The following UMODL1 variants were observed in gnomAD, a reference collection of about 807,000 sequenced individuals.
UMODL1 encodes uromodulin-like 1.
Under a neutral mutation model 136.3 loss-of-function variants are expected in UMODL1, and 128 were observed. The ratio of observed to expected loss-of-function variants is 0.94; its 90% CI spans 0.81 to 1.09. The LOEUF (loss-of-function observed/expected upper bound fraction) is 1.09, where lower values mean the gene tolerates loss of function less well. Among genes scored for constraint, UMODL1 ranks in the 50% least tolerant of loss-of-function variants. The pLI is 0.00. For missense variants in UMODL1, 1,766 were observed against 1,725.6 expected, an observed-to-expected ratio of 1.02 and a Z score of -0.41; for synonymous variants, 721 against 720.0, an observed-to-expected ratio of 1.00 and a Z score of -0.02.
At chr21:42,089,665 CA>C (rs1385205854) in intron 5 of UMODL1, among the ~76,000 whole-genome samples, 1 of 152,190 alleles carries the variant, frequency 6.6e-6, no homozygotes, top group Non-Finnish European at 1.5e-5. Flanking sequence ...GAGGCAACTC[CA>C]CGACTGGGAA....
intron 21 of UMODL1, among the ~76,000 whole-genome samples, chr21:42,134,645 C>T (rs149255554): frequency 6.6e-5 from 10 of 152,178 alleles, no homozygotes; most frequent in Middle Eastern, 3.4e-3. Flanking sequence ...GACAGAGTCT[C>T]GCTCTGTTGC....
rs1298662009 is a variant in UMODL1, at chr21:42,084,224, T to C, written c.460T>C (p.Cys154Arg). The change falls in exon 3 of 23, where the codon TGC becomes CGC. Residue 154 changes from cysteine (C) to arginine (R), a missense_variant. By Grantham distance (180) the Cys-to-Arg change is radical. Transcript: ENST00000408910. Reference sequence around the variant, plus strand: ...CTGCCCCTGGTCAGGGGGGCGCTACTGCATGGCCCCTGCACCCCAAGGTAG... The same window carrying C: ...CTGCCCCTGGTCAGGGGGGCGCTACCGCATGGCCCCTGCACCCCAAGGTAG... Reference protein sequence around the residue: ...KCCPWSGGRYCMAPAPQAPER... With the variant: ...KCCPWSGGRYRMAPAPQAPER... 6.2e-7 allele frequency: 1 copy of C among 1,613,478 alleles called. No homozygotes were observed. The highest frequency in any genetic ancestry group is 1.7e-5 in the Admixed American group (1 of 59,980).
At chr21:42,131,881 G>C (rs1041885500) in intron 21 of UMODL1, among the ~76,000 whole-genome samples, 3 of 152,170 alleles carry the variant, frequency 2.0e-5, no homozygotes, top group African/African-American at 7.2e-5. Context: ...GAACGGGTCA[G>C]CCTATTTCTT....
intron 15 of UMODL1, chr21:42,120,839 C>T (rs546325500): frequency 4.8e-5 from 20 of 417,364 alleles, no homozygotes; most frequent in African/African-American, 4.1e-4. Flanking sequence ...CTGCTCTGCC[C>T]AGATCCCCCT....
intron 12 of UMODL1, chr21:42,113,240 A>G (rs1361093874): frequency 8.9e-6 from 2 of 224,232 alleles, no homozygotes; most frequent in Non-Finnish European, 1.8e-5. Context: ...TCAAGAGTAG[A>G]CAGTCCATCT....
At chr21:42,095,096 T>TG (rs765870657) in intron 6 of UMODL1, among the ~76,000 whole-genome samples, 12 of 119,514 alleles carry the variant, frequency 1.0e-4, no homozygotes, top group Non-Finnish European at 1.9e-4. Flanking sequence ...GCTGTTTTTT[T>TG]TTTTTTTTTT....
At chr21:42,134,811 G>T (rs1365687984) in intron 21 of UMODL1, among the ~76,000 whole-genome samples, 3 of 150,476 alleles carry the variant, frequency 2.0e-5, no homozygotes, top group African/African-American at 7.4e-5. Flanking sequence ...TTTTAGTAGA[G>T]ACGGGGGTTT....
intron 21 of UMODL1, among the ~76,000 whole-genome samples, chr21:42,133,712 A>G (rs766667408): frequency 4.6e-5 from 7 of 152,134 alleles, no homozygotes; most frequent in African/African-American, 7.2e-5. Flanking sequence ...CTTGGCTTGC[A>G]GCTGCCTCCC....
chr21:42,110,780 A>T, intron 10 of UMODL1, 100 bp from the exon 11 acceptor site: 1 of 1,199,526 alleles, frequency 8.3e-7, no homozygotes, highest in Non-Finnish European at 1.2e-6. Context: ...CCACTCCGGG[A>T]TGCAGAGCAG....
At chr21:42,114,080 G>A (rs2066873818) in intron 13 of UMODL1, among the ~76,000 whole-genome samples, 1 of 152,262 alleles carries the variant, frequency 6.6e-6, no homozygotes, top group South Asian at 2.1e-4. Context: ...GACTGCGCCT[G>A]GAAGGCTGCG....
chr21:42,073,186 A>G (rs983240239), intron 1 of UMODL1, among the ~76,000 whole-genome samples: 2 of 152,170 alleles, frequency 1.3e-5, no homozygotes, highest in African/African-American at 4.8e-5. Flanking sequence ...GGTTACGATG[A>G]AAAACGCAAG....
chr21:42,117,673 C>G (rs917006226), intron 14 of UMODL1, among the ~76,000 whole-genome samples: 3 of 152,218 alleles, frequency 2.0e-5, no homozygotes, highest in African/African-American at 4.8e-5. Context: ...GCGCTTCCCC[C>G]ACAGATGAGA....
At position 42,077,002 on chromosome 21, in the gene UMODL1, G is replaced by GGTGTGTGTGT. The variant is rs56409028; in HGVS notation, c.319+811_319+820dup. 3.0e-4 allele frequency among the ~76,000 whole-genome samples: 34 copies of GGTGTGTGTGT among 113,266 alleles called. 1 individual carries two copies. The highest frequency in any genetic ancestry group is 9.0e-4 in the East Asian group (3 of 3,344). 74.3% of individuals were successfully genotyped at this position (113,266 alleles called of 152,430 possible). A position where few individuals can be genotyped will look rare whatever the true frequency, so the allele number is the denominator to read the frequency against. ...CACAGGTGATCTCTTCCAGGGGAGG[G>GGTGTGTGTGT]GTGTGTGTGTGTGTGTGTGTGTGTG... On this transcript the variant is annotated intron_variant, in intron 2 of 22. Transcript: ENST00000408910.
chr21:42,093,541 C>T (rs910093945), intron 6 of UMODL1: 19 of 205,058 alleles, frequency 9.3e-5, no homozygotes, highest in South Asian at 2.2e-4. Context: ...TGGCTCTTCT[C>T]GTTGTCCTGT....
Position 42,111,539 on chromosome 21 carries a change from T to G in UMODL1, c.1933T>G (p.Trp645Gly). Residue 645 changes from tryptophan (W) to glycine (G), a missense_variant, in exon 12 of 23, where the codon TGG (tryptophan) becomes GGG (glycine). Physicochemically the swap from Trp to Gly is radical, Grantham distance 184. Coordinates refer to ENST00000408910, the MANE Select transcript of UMODL1 (RefSeq NM_001004416.3). Reference sequence around the variant, plus strand: ...AAACTCCATCATGGAGCCACCCTCCTGGCCTTCCCCTACTGAGGACCCCAC... The same window carrying G: ...AAACTCCATCATGGAGCCACCCTCCGGGCCTTCCCCTACTGAGGACCCCAC... ...QGNSIMEPPS[W>G]PSPTEDPTGH... The G allele has an allele frequency of 6.2e-7, 1 of 1,614,052 alleles. No homozygotes were observed. The highest frequency in any genetic ancestry group is 8.5e-7 in the Non-Finnish European group (1 of 1,179,966).
At chr21:42,076,630 G>A (rs951881488) in intron 2 of UMODL1, among the ~76,000 whole-genome samples, 29 of 152,118 alleles carry the variant, frequency 1.9e-4, no homozygotes, top group African/African-American at 6.0e-4. Flanking sequence ...AGAGAGTGTC[G>A]GAAGTTTTCA....
chr21:42,081,925 C>T (rs757430894), intron 2 of UMODL1, among the ~76,000 whole-genome samples: 7 of 152,342 alleles, frequency 4.6e-5, no homozygotes, highest in South Asian at 2.1e-4. Context: ...CAGAGACCTT[C>T]GGATTCTCAG....
At chr21:42,107,241 G>A (rs764786184) in intron 9 of UMODL1, among the ~76,000 whole-genome samples, 4 of 152,204 alleles carry the variant, frequency 2.6e-5, no homozygotes, top group Non-Finnish European at 4.4e-5. Context: ...ATGAGGCACC[G>A]CTGTGAACCC....
intron 1 of UMODL1, among the ~76,000 whole-genome samples, chr21:42,063,413 G>A (rs539321231): frequency 4.5e-4 from 69 of 152,332 alleles, no homozygotes; most frequent in African/African-American, 1.6e-3. Flanking sequence ...CCCCCCTGGT[G>A]TCCCCCAAAC....
Sources: gnomAD v4.1 joint callset for allele counts (sites outside exome capture counted in the v4.1 genomes callset) on GRCh38, gnomAD v4.1.1 for gene constraint, MANE v1.5 for transcripts, NCBI Gene and HGNC (gene_info 2026-07-23, HGNC 2026-07-21) for gene names.